The following CSGALNACT1 variants were observed in gnomAD, a reference collection of about 807,000 sequenced individuals.
The protein encoded by CSGALNACT1 is chondroitin sulfate N-acetylgalactosaminyltransferase 1.
CSGALNACT1 carries 52 observed loss-of-function variants against 51.0 expected under a neutral mutation model. The ratio of observed to expected loss-of-function variants is 1.02; its 90% CI spans 0.82 to 1.29. The LOEUF is 1.29. Ranked by LOEUF, CSGALNACT1 falls within the 50% of genes most tolerant of loss-of-function variation. CSGALNACT1 has a pLI of 0.00. For synonymous variants in CSGALNACT1, 341 were observed against 254.4 expected (o/e 1.34, Z -3.24); for missense variants, 935 against 679.2 (o/e 1.38, Z -4.19).
chr8:19,602,435 G>C (rs971522033), exon 1 of CSGALNACT1: 1 of 152,514 alleles, frequency 6.6e-6, no homozygotes, highest in Admixed American at 6.5e-5. Flanking sequence ...AGGAACGACC[G>C]CCTTCCCGAA....
intron 4 of CSGALNACT1, among the ~76,000 whole-genome samples, chr8:19,479,506 T>C (rs2070748472): frequency 2.0e-5 from 3 of 152,218 alleles, no homozygotes; most frequent in South Asian, 2.1e-4. Context: ...GGATACTATT[T>C]AATGGTCCTC....
chr8:19,428,123 T>C (rs1470403445), intron 6 of CSGALNACT1, among the ~76,000 whole-genome samples: 2 of 152,188 alleles, frequency 1.3e-5, no homozygotes, highest in African/African-American at 2.4e-5. Flanking sequence ...CTGTAAAGTC[T>C]GGATGGATAA....
At chr8:19,507,913 C>T (rs1360354823) in intron 3 of CSGALNACT1, among the ~76,000 whole-genome samples, 3 of 152,366 alleles carry the variant, frequency 2.0e-5, no homozygotes, top group Admixed American at 6.5e-5. Context: ...AGGCGTGAGC[C>T]GCCGTGCCCG....
chr8:19,568,360 T>C (rs6996593), intron 3 of CSGALNACT1, among the ~76,000 whole-genome samples: 31,190 of 151,994 alleles, frequency 0.21, 5,742 homozygotes, highest in African/African-American at 0.5. Flanking sequence ...AGAAAAGGCA[T>C]AGGGAAAATA....
chr8:19,688,519 T>G (rs112807191), intron 1 of CSGALNACT1, among the ~76,000 whole-genome samples: 1 of 152,218 alleles, frequency 6.6e-6, no homozygotes, highest in East Asian at 1.9e-4. Context: ...ATTGTATATG[T>G]GCTGTGCCAG....
chr8:19,545,973 T>C (rs1011048565), intron 3 of CSGALNACT1, among the ~76,000 whole-genome samples: 21 of 151,744 alleles, frequency 1.4e-4, no homozygotes, highest in Admixed American at 1.2e-3. Flanking sequence ...AAACTGCATG[T>C]ATAGTTATAG....
At chr8:19,673,131 T>C (rs931634179) in intron 1 of CSGALNACT1, among the ~76,000 whole-genome samples, 17 of 152,240 alleles carry the variant, frequency 1.1e-4, no homozygotes, top group African/African-American at 3.6e-4. Context: ...ACACACCCGC[T>C]GTGACCATTG....
In CSGALNACT1 at chr8:19,474,307, T is replaced by C. The variant is rs545156500; in HGVS notation, c.635-15665A>G. 3.3e-5 allele frequency among the ~76,000 whole-genome samples: 5 copies of C among 152,302 alleles called. No homozygotes were observed. The East Asian group carries it at 9.6e-4, about 29-fold the overall frequency. ...CCCAATTCTTCCTCTACCCTTTGAA[T>C]ATCTACTTTCCAATATAAAGAAAGT... is the stretch of plus-strand genomic sequence containing the variant. On this transcript the variant is annotated intron_variant, in intron 4 of 9. Transcript: ENST00000454498.
intron 1 of CSGALNACT1, among the ~76,000 whole-genome samples, chr8:19,668,730 T>C (rs1441112449): frequency 1.3e-5 from 2 of 152,046 alleles, no homozygotes; most frequent in Non-Finnish European, 2.9e-5. Context: ...GATTTTTGGA[T>C]TATTAGGAGA....
chr8:19,406,554 G>T (rs981082666), intron 9 of CSGALNACT1, among the ~76,000 whole-genome samples: 1 of 133,180 alleles, frequency 7.5e-6, no homozygotes, highest in Non-Finnish European at 1.5e-5. Context: ...ATTACACATT[G>T]TATGCCTGTA....
intron 1 of CSGALNACT1, among the ~76,000 whole-genome samples, chr8:19,738,075 A>C (rs367966087): frequency 1.1e-4 from 17 of 152,338 alleles, no homozygotes; most frequent in African/African-American, 4.8e-5. Context: ...ATAAAAAATG[A>C]AGTAGCCAGG....
chr8:19,747,867 T>A (rs1356693607), intron 1 of CSGALNACT1, among the ~76,000 whole-genome samples: 2 of 152,038 alleles, frequency 1.3e-5, no homozygotes, highest in Non-Finnish European at 2.9e-5. Flanking sequence ...CTCAGCTTTC[T>A]CCTGTTATTC....
chr8:19,640,610 T>C (rs1187127565), intron 1 of CSGALNACT1, among the ~76,000 whole-genome samples: 1 of 152,210 alleles, frequency 6.6e-6, no homozygotes, highest in Non-Finnish European at 1.5e-5. Context: ...AGCAGATTCT[T>C]CTAACAGGGA....
intron 1 of CSGALNACT1, among the ~76,000 whole-genome samples, chr8:19,743,713 T>C (rs776853718): frequency 7.9e-5 from 12 of 152,372 alleles, no homozygotes; most frequent in African/African-American, 1.9e-4. Flanking sequence ...TTGTAATTTA[T>C]ATTTTTATGA....
upstream of CSGALNACT1, among the ~76,000 whole-genome samples, chr8:19,686,221 G>A (rs907187168): frequency 6.6e-6 from 1 of 152,122 alleles, no homozygotes; most frequent in African/African-American, 2.4e-5. Flanking sequence ...AAAACAAATG[G>A]CCATGCAGGG....
chr8:19,564,329 G>GCCA (rs2041457757), intron 3 of CSGALNACT1, among the ~76,000 whole-genome samples: 1 of 151,696 alleles, frequency 6.6e-6, no homozygotes, highest in African/African-American at 2.4e-5. Flanking sequence ...AATAAAAACA[G>GCCA]CCACAAAAAT....
intron 1 of CSGALNACT1, among the ~76,000 whole-genome samples, chr8:19,662,244 G>T (rs905105521): frequency 6.6e-6 from 1 of 151,922 alleles, no homozygotes; most frequent in Non-Finnish European, 1.5e-5. Context: ...CTAGCCAGGC[G>T]TGGTAGTGTG....
At chr8:19,579,338 G>A (rs1010171145) in intron 3 of CSGALNACT1, among the ~76,000 whole-genome samples, 1 of 152,188 alleles carries the variant, frequency 6.6e-6, no homozygotes, top group Non-Finnish European at 1.5e-5. Flanking sequence ...CTTCTTGGCT[G>A]ACAGGGTCTG....
intron 1 of CSGALNACT1, among the ~76,000 whole-genome samples, chr8:19,753,863 CAAAT>C (rs1589835718): frequency 1.3e-5 from 2 of 152,066 alleles, no homozygotes; most frequent in African/African-American, 2.4e-5. Flanking sequence ...AAAACACAAA[CAAAT>C]AAAAACACCT....
Sources: gnomAD v4.1 joint callset for allele counts (sites outside exome capture counted in the v4.1 genomes callset) on GRCh38, gnomAD v4.1.1 for gene constraint, MANE v1.5 for transcripts, NCBI Gene and HGNC (gene_info 2026-07-23, HGNC 2026-07-21) for gene names.